Variants in SCLT1 observed in about 807,000 individuals in gnomAD.
The protein encoded by SCLT1 is sodium channel and clathrin linker 1.
Under a neutral mutation model 112.8 loss-of-function variants are expected in SCLT1, and 78 were observed. That is an observed-to-expected ratio of 0.69 (90% CI 0.58 to 0.83). The LOEUF is 0.83. Among genes scored for constraint, SCLT1 ranks in the 40% least tolerant of loss-of-function variants. SCLT1 has a pLI of 0.00. For synonymous variants in SCLT1, 257 were observed against 254.7 expected (o/e 1.01, Z -0.09); for missense variants, 747 against 770.4 (o/e 0.97, Z 0.36).
At position 128,965,320 on chromosome 4, in the gene SCLT1, T is replaced by G; in HGVS notation, c.778-2A>C. 1 of 1,593,904 alleles carries G rather than the reference T, an allele frequency of 6.3e-7. No homozygotes were observed. The highest frequency in any genetic ancestry group is 1.3e-5 in the African/African-American group (1 of 74,418). Reference sequence around the variant, plus strand: ...ATGGGCAGACACCACATCCTTCTCCTAGAAAATAAAGAAACTAGAAGCTTA... The same window carrying G: ...ATGGGCAGACACCACATCCTTCTCCGAGAAAATAAAGAAACTAGAAGCTTA... On this transcript the variant is annotated splice_acceptor_variant, in intron 10 of 20. Coordinates refer to ENST00000281142, the MANE Select transcript of SCLT1 (RefSeq NM_144643.4). LOFTEE classifies it high-confidence loss of function.
At chr4:128,923,564 A>G (rs1736047576) in intron 18 of SCLT1, among the ~76,000 whole-genome samples, 1 of 149,954 alleles carries the variant, frequency 6.7e-6, no homozygotes, top group South Asian at 2.1e-4. Context: ...AAACTGTTTT[A>G]TCATTATAAA....
At chr4:128,966,767 T>C (rs933101045) in intron 10 of SCLT1, among the ~76,000 whole-genome samples, 1 of 152,194 alleles carries the variant, frequency 6.6e-6, no homozygotes, top group East Asian at 1.9e-4. Flanking sequence ...AAGTATAACT[T>C]CACTGAATAT....
At chr4:129,026,960 A>C (rs911152649) in intron 5 of SCLT1, among the ~76,000 whole-genome samples, 5 of 152,168 alleles carry the variant, frequency 3.3e-5, no homozygotes, top group African/African-American at 1.2e-4. Context: ...GAAGAAATGG[A>C]TAAATTCCTC....
intron 18 of SCLT1, among the ~76,000 whole-genome samples, chr4:128,906,433 C>T (rs1477679686): frequency 1.3e-5 from 2 of 152,078 alleles, no homozygotes; most frequent in African/African-American, 2.4e-5. Flanking sequence ...CTCCTGACCT[C>T]GTGATCCGCC....
Position 128,966,936 on chromosome 4 carries a change from G to T in SCLT1, c.778-1618C>A, listed in dbSNP as rs114749156. On this transcript the variant is annotated intron_variant, in intron 10 of 20. Coordinates refer to ENST00000281142, the MANE Select transcript of SCLT1 (RefSeq NM_144643.4). ...GGGTAAATTGTGTATCGGGGGTTTGGTATACCGATTATTTTGCCACCTAGG... is the reference window on the plus strand; with the variant it reads ...GGGTAAATTGTGTATCGGGGGTTTGTTATACCGATTATTTTGCCACCTAGG... 5.7e-3 allele frequency among the ~76,000 whole-genome samples: 867 copies of T among 151,530 alleles called. 4 individuals carry two copies. Among genetic ancestry groups the T allele is most frequent in the Admixed American group, 8.8e-3 (134 of 15,216 alleles).
intron 9 of SCLT1, among the ~76,000 whole-genome samples, chr4:128,987,572 A>G (rs907381841): frequency 6.6e-6 from 1 of 152,032 alleles, no homozygotes; most frequent in African/African-American, 2.4e-5. Flanking sequence ...CAAATGCATC[A>G]CTCTCTCAAA....
At chr4:128,874,524 A>AAAAAC (rs1448401794) in intron 4 of SCLT1, 1 of 152,518 alleles carries the variant, frequency 6.6e-6, no homozygotes, top group African/African-American at 2.4e-5. Flanking sequence ...AAACCCACAC[A>AAAAAC]AAAACAAAAC....
intron 7 of SCLT1, among the ~76,000 whole-genome samples, chr4:128,999,212 G>GA (rs1405572823): frequency 2.6e-5 from 4 of 151,938 alleles, no homozygotes; most frequent in African/African-American, 9.7e-5. Flanking sequence ...ATTTATGATA[G>GA]ACAAAATTGA....
chr4:129,003,958 G>T, intron 5 of SCLT1, 82 bp from the exon 6 acceptor site: 1 of 1,237,512 alleles, frequency 8.1e-7, no homozygotes, highest in Non-Finnish European at 1.1e-6. Flanking sequence ...TAAACATTTG[G>T]GTCAACAATA....
chr4:128,893,355 C>A (rs1463643721), intron 18 of SCLT1, among the ~76,000 whole-genome samples: 1 of 152,044 alleles, frequency 6.6e-6, no homozygotes, highest in Non-Finnish European at 1.5e-5. Context: ...TCTGTCTCCC[C>A]CATTGGATAG....
At chr4:129,069,118 G>A (rs576525411) in intron 2 of SCLT1, among the ~76,000 whole-genome samples, 6 of 152,168 alleles carry the variant, frequency 3.9e-5, no homozygotes, top group South Asian at 2.1e-4. Context: ...TCTCTATTCC[G>A]TTCCATTGGT....
chr4:128,990,308 A>G (rs1256769154), intron 9 of SCLT1, among the ~76,000 whole-genome samples: 1 of 151,946 alleles, frequency 6.6e-6, no homozygotes, highest in African/African-American at 2.4e-5. Context: ...GTGAAAATCA[A>G]TAAATGTGAT....
chr4:129,011,655 C>T (rs1163210557), intron 5 of SCLT1, among the ~76,000 whole-genome samples: 1 of 151,628 alleles, frequency 6.6e-6, no homozygotes, highest in Non-Finnish European at 1.5e-5. Context: ...TGGCTGTGAA[C>T]TTATCTGGTC....
chr4:128,900,759 A>C (rs1314956081), intron 18 of SCLT1, among the ~76,000 whole-genome samples: 2 of 152,198 alleles, frequency 1.3e-5, no homozygotes, highest in African/African-American at 4.8e-5. Context: ...AACAGGAGAA[A>C]ATTTTTGCAA....
intron 13 of SCLT1, among the ~76,000 whole-genome samples, 198 bp downstream of exon 13, chr4:128,956,828 T>C (rs1187563276): frequency 1.3e-5 from 2 of 152,112 alleles, no homozygotes; most frequent in Non-Finnish European, 2.9e-5. Flanking sequence ...ACTATCCTAC[T>C]GGAGATAATT....
intron 8 of SCLT1, 126 bp from the exon 9 acceptor site, chr4:128,992,363 A>T (rs180720881): frequency 2.6e-5 from 15 of 583,498 alleles, no homozygotes; most frequent in Admixed American, 1.4e-4. Context: ...AGATTTTTTG[A>T]GGGTAAAACA....
At chr4:128,947,330 C>T (rs779788589) in intron 15 of SCLT1, among the ~76,000 whole-genome samples, 1 of 152,088 alleles carries the variant, frequency 6.6e-6, no homozygotes. Context: ...GGAAATTGTA[C>T]GCAGATGGAA....
chr4:128,897,492 C>T, intron 18 of SCLT1, among the ~76,000 whole-genome samples: 1 of 69,728 alleles, frequency 1.4e-5, no homozygotes, highest in Non-Finnish European at 2.8e-5. Flanking sequence ...TTGTCACCAC[C>T]AGGCCTGCCT....
chr4:129,005,047 A>G (rs971085108), intron 5 of SCLT1, among the ~76,000 whole-genome samples: 2 of 152,016 alleles, frequency 1.3e-5, no homozygotes, highest in African/African-American at 4.8e-5. Flanking sequence ...TATGAAAAAA[A>G]CCATTATTAA....
Sources: gnomAD v4.1 joint callset for allele counts (sites outside exome capture counted in the v4.1 genomes callset) on GRCh38, gnomAD v4.1.1 for gene constraint, MANE v1.5 for transcripts, NCBI Gene and HGNC (gene_info 2026-07-23, HGNC 2026-07-21) for gene names.